Variants in ADGRD1 observed in about 807,000 individuals in gnomAD.
ADGRD1 encodes the protein adhesion G protein-coupled receptor D1, also known as G-protein coupled receptor 133.
ADGRD1 carries 77 observed loss-of-function variants against 113.4 expected under a neutral mutation model. That is an observed-to-expected ratio of 0.68 (90% CI 0.57 to 0.82). ADGRD1 has a LOEUF of 0.82. ADGRD1 is among the 40% of genes least tolerant of loss of function. ADGRD1 has a pLI of 0.00. For missense variants in ADGRD1, 1,036 were observed against 1,139.1 expected (o/e 0.91, Z 1.30); for synonymous variants, 474 against 475.0 (o/e 1.00, Z 0.03).
chr12:131,107,151 G>T (rs1265593841), intron 17 of ADGRD1, among the ~76,000 whole-genome samples: 1 of 151,814 alleles, frequency 6.6e-6, no homozygotes, highest in Non-Finnish European at 1.5e-5. Context: ...CCCAGGGAAG[G>T]GCTCTGATGG....
chr12:130,976,564 A>G (rs913571588), intron 4 of ADGRD1, among the ~76,000 whole-genome samples: 2 of 152,092 alleles, frequency 1.3e-5, no homozygotes, highest in African/African-American at 4.8e-5. Context: ...TCCGCGGCTG[A>G]CTATACGTGC....
At chr12:131,037,817 TACTCACTGCATGGGGCCTC>T (rs1386067722) in intron 13 of ADGRD1, among the ~76,000 whole-genome samples, 9 of 100,910 alleles carry the variant, frequency 8.9e-5, no homozygotes, top group Non-Finnish European at 1.8e-4. Context: ...ACCAGGATCT[TACTCACTGCATGGGGCCTC>T]ACTCACTGCA....
chr12:130,988,438 G>A (rs1293602962), intron 6 of ADGRD1: 1 of 152,252 alleles, frequency 6.6e-6, no homozygotes, highest in African/African-American at 2.4e-5. Flanking sequence ...AGGACCAGGA[G>A]AGAAAGGCCT....
chr12:131,070,587 CG>C (rs923282214), intron 13 of ADGRD1: 1 of 263,708 alleles, frequency 3.8e-6, no homozygotes, highest in African/African-American at 2.2e-5. Context: ...TGCTGCTCTG[CG>C]GGGACTCGGT....
chr12:130,997,195 C>CCG (rs1555241599), intron 8 of ADGRD1, among the ~76,000 whole-genome samples: 1 of 142,652 alleles, frequency 7.0e-6, no homozygotes, highest in Admixed American at 6.7e-5. Context: ...CTGACCCCCC[C>CCG]CCCCGGACGG....
intron 2 of ADGRD1, among the ~76,000 whole-genome samples, chr12:130,964,232 T>A (rs890486840): frequency 6.6e-6 from 1 of 151,880 alleles, no homozygotes; most frequent in African/African-American, 2.4e-5. Flanking sequence ...ACAGAAAACT[T>A]TGTTTTCTGA....
chr12:131,090,452 C>A (rs1368531665), intron 15 of ADGRD1, among the ~76,000 whole-genome samples: 1 of 152,140 alleles, frequency 6.6e-6, no homozygotes, highest in Non-Finnish European at 1.5e-5. Flanking sequence ...CTTCTCTCTC[C>A]GAGGTTTTCC....
intron 12 of ADGRD1, among the ~76,000 whole-genome samples, chr12:131,012,736 G>T (rs1253314160): frequency 2.6e-5 from 4 of 152,072 alleles, no homozygotes; most frequent in Non-Finnish European, 5.9e-5. Flanking sequence ...AAAATATGGT[G>T]CCCCCAGCTC....
chr12:130,984,046 C>T lies in ADGRD1; in HGVS notation c.490+1983C>T, dbSNP rs1873337761. On this transcript the variant is annotated intron_variant, in intron 5 of 24. Transcript: ENST00000261654. The surrounding 1 kb of genome is among the most constrained non-coding windows in gnomAD (Gnocchi z 4.1). ...GGTCTTCCCTCTACCAACTCACTCC[C>T]ATGTTGGTTAACATTATACGCCCTC... 6.6e-6 allele frequency among the ~76,000 whole-genome samples: 1 copy of T among 152,180 alleles called. No individual in the cohort carries two copies. The highest frequency in any genetic ancestry group is 6.5e-5 in the Admixed American group (1 of 15,274).
intron 13 of ADGRD1, among the ~76,000 whole-genome samples, chr12:131,047,379 G>A (rs932781731): frequency 6.6e-6 from 1 of 152,206 alleles, no homozygotes; most frequent in Non-Finnish European, 1.5e-5. Flanking sequence ...GGACAATGGG[G>A]GGACAGCTCT....
intron 13 of ADGRD1, among the ~76,000 whole-genome samples, chr12:131,016,564 A>G (rs1422146829): frequency 6.6e-6 from 1 of 152,244 alleles, no homozygotes; most frequent in Non-Finnish European, 1.5e-5. Flanking sequence ...GCTTGAGGGT[A>G]GGGCAGTGCT....
chr12:131,007,899 A>G (rs927247487), intron 12 of ADGRD1, among the ~76,000 whole-genome samples: 2 of 151,128 alleles, frequency 1.3e-5, no homozygotes, highest in Admixed American at 6.6e-5. Flanking sequence ...AAAATCATGC[A>G]AACAGCTCAT....
intron 21 of ADGRD1, among the ~76,000 whole-genome samples, chr12:131,134,133 C>G (rs1238241047): frequency 6.6e-6 from 1 of 152,222 alleles, no homozygotes; most frequent in Non-Finnish European, 1.5e-5. Flanking sequence ...CAAGTGGGAC[C>G]CTGGGGGCGG....
At chr12:131,130,683 G>A (rs1386008685) in intron 20 of ADGRD1, among the ~76,000 whole-genome samples, 1 of 152,000 alleles carries the variant, frequency 6.6e-6, no homozygotes, top group Non-Finnish European at 1.5e-5. Context: ...CTAGGCGAGG[G>A]GTGCAGGTGT....
At chr12:131,021,299 A>G (rs1879286433) in intron 13 of ADGRD1, among the ~76,000 whole-genome samples, 1 of 152,092 alleles carries the variant, frequency 6.6e-6, no homozygotes, top group Non-Finnish European at 1.5e-5. Context: ...CGGCTGGCAC[A>G]GAGCGCTTAG....
At chr12:131,054,223 C>T (rs1229674820) in intron 13 of ADGRD1, among the ~76,000 whole-genome samples, 6 of 152,200 alleles carry the variant, frequency 3.9e-5, no homozygotes, top group East Asian at 1.9e-4. Context: ...AGACGATGAA[C>T]GTGTGTGTCA....
chr12:130,985,333 T>G (rs111777664), intron 5 of ADGRD1, among the ~76,000 whole-genome samples: 2,419 of 152,320 alleles, frequency 0.016, 22 homozygotes, highest in South Asian at 0.046. Context: ...CTTGACAGTG[T>G]CTTTCACAGA....
chr12:131,035,704 A>G (rs12302892), intron 13 of ADGRD1, among the ~76,000 whole-genome samples: 25,753 of 152,212 alleles, frequency 0.17, 2,412 homozygotes, highest in African/African-American at 0.24. Context: ...AATCACTGAC[A>G]TAGTATGATG....
chr12:131,118,561 G>T, intron 19 of ADGRD1, 110 bp downstream of exon 19: 2 of 736,058 alleles, frequency 2.7e-6, no homozygotes, highest in Non-Finnish European at 4.5e-6. Flanking sequence ...GGGGTGCTGT[G>T]CAAAGCTGGC....
Sources: allele counts gnomAD v4.1 joint callset (sites outside exome capture counted in the v4.1 genomes callset), GRCh38; gene constraint gnomAD v4.1.1; non-coding constraint Gnocchi (gnomAD v3.1); transcripts MANE v1.5; gene names NCBI Gene and HGNC (gene_info 2026-07-23, HGNC 2026-07-21).